The following FBXL17 variants were observed in gnomAD, a reference collection of about 807,000 sequenced individuals.
FBXL17 encodes the protein F-box/LRR-repeat protein 17.
In FBXL17, 22 loss-of-function variants were observed where a neutral mutation model predicts 66.2. The ratio of observed to expected loss-of-function variants is 0.33; its 90% CI spans 0.24 to 0.47. The LOEUF (loss-of-function observed/expected upper bound fraction) is 0.47, where lower values mean the gene tolerates loss of function less well. FBXL17 is among the 20% of genes least tolerant of loss of function. FBXL17 has a pLI of 1.00. For missense variants in FBXL17, 878 were observed against 948.2 expected (o/e 0.93, Z 0.97); for synonymous variants, 474 against 400.5 (o/e 1.18, Z -2.19).
intron 5 of FBXL17, among the ~76,000 whole-genome samples, chr5:108,209,660 C>T (rs989999835): frequency 5.3e-5 from 8 of 152,052 alleles, no homozygotes; most frequent in African/African-American, 9.7e-5. Flanking sequence ...GGAGTGAAGC[C>T]GACTTGATCA....
chr5:108,353,618 T>C (rs930062753), intron 3 of FBXL17, among the ~76,000 whole-genome samples: 3 of 152,186 alleles, frequency 2.0e-5, no homozygotes, highest in African/African-American at 7.2e-5. Context: ...TACCAGAGCC[T>C]AACCTGTGGG....
intron 1 of FBXL17, among the ~76,000 whole-genome samples, chr5:108,373,704 C>T (rs550002339): frequency 6.6e-6 from 1 of 152,102 alleles, no homozygotes; most frequent in East Asian, 1.9e-4. Flanking sequence ...TCACTTGAGC[C>T]CAGGAGTTCA....
At chr5:108,029,765 T>C (rs1413660326) in intron 6 of FBXL17, among the ~76,000 whole-genome samples, 1 of 152,100 alleles carries the variant, frequency 6.6e-6, no homozygotes, top group Non-Finnish European at 1.5e-5. Flanking sequence ...GGAAGATAGC[T>C]GATTTTGGTT....
rs187805788 is a variant in FBXL17 at position 108,370,706 on chromosome 5, G to A, written c.994-2753C>T. ...TGCAGTAAGCCAAGATTGCACCACT[G>A]CACTCCAGCCCGTGCAACAGAGCAA... On this transcript the variant is annotated intron_variant, in intron 1 of 8. Transcript: ENST00000542267. Among the ~76,000 whole-genome samples, 125 of 150,188 alleles carry A rather than the reference G, an allele frequency of 8.3e-4. 1 individual carries two copies. The East Asian group carries it at 0.023, about 27-fold the overall frequency.
chr5:107,885,609 G>C (rs1292927236), intron 7 of FBXL17, among the ~76,000 whole-genome samples: 1 of 152,066 alleles, frequency 6.6e-6, no homozygotes, highest in Non-Finnish European at 1.5e-5. Context: ...AAATCCCTAG[G>C]AATTAATTTG....
chr5:107,867,464 G>A (rs1238711816), intron 8 of FBXL17, among the ~76,000 whole-genome samples: 2 of 152,212 alleles, frequency 1.3e-5, no homozygotes, highest in Non-Finnish European at 1.5e-5. Context: ...GATCCTGGAC[G>A]TGAGTCGGTT....
At chr5:108,256,468 C>T (rs1324015403) in intron 4 of FBXL17, among the ~76,000 whole-genome samples, 1 of 152,158 alleles carries the variant, frequency 6.6e-6, no homozygotes, top group African/African-American at 2.4e-5. Flanking sequence ...CACACCACCT[C>T]TACCCTATTT....
chr5:108,006,667 T>C (rs141774928), intron 7 of FBXL17, among the ~76,000 whole-genome samples: 73 of 152,340 alleles, frequency 4.8e-4, no homozygotes, highest in African/African-American at 1.7e-3. Flanking sequence ...ATTACATACT[T>C]AGCTCTTTTT....
chr5:107,986,108 A>C (rs1204685116), intron 7 of FBXL17, among the ~76,000 whole-genome samples: 1 of 152,100 alleles, frequency 6.6e-6, no homozygotes, highest in African/African-American at 2.4e-5. Flanking sequence ...ATTATCAGTA[A>C]TTGAATCTAC....
intron 7 of FBXL17, among the ~76,000 whole-genome samples, chr5:108,002,245 A>C (rs1753760944): frequency 7.1e-6 from 1 of 141,814 alleles, no homozygotes; most frequent in Non-Finnish European, 1.5e-5. Context: ...GCTGGTCTTG[A>C]ACTCCTGACC....
intron 7 of FBXL17, among the ~76,000 whole-genome samples, chr5:108,010,604 C>A (rs1026110937): frequency 6.6e-6 from 1 of 152,108 alleles, no homozygotes; most frequent in Non-Finnish European, 1.5e-5. Flanking sequence ...AAAATTCAAT[C>A]AAAGGAAGCA....
At chr5:107,870,992 C>T (rs893937298) in intron 8 of FBXL17, among the ~76,000 whole-genome samples, 3 of 142,146 alleles carry the variant, frequency 2.1e-5, no homozygotes, top group Admixed American at 7.6e-5. Context: ...AACCTCATAC[C>T]GGTAGCCTGG....
intron 6 of FBXL17, among the ~76,000 whole-genome samples, chr5:108,149,225 T>A (rs1751675110): frequency 6.6e-6 from 1 of 152,238 alleles, no homozygotes; most frequent in South Asian, 2.1e-4. Context: ...ATCAGATTTA[T>A]CTTTCTTGTA....
At chr5:108,262,492 G>A (rs1227179338) in intron 4 of FBXL17, among the ~76,000 whole-genome samples, 1 of 152,088 alleles carries the variant, frequency 6.6e-6, no homozygotes, top group Non-Finnish European at 1.5e-5. Flanking sequence ...AATTTGGAAG[G>A]TACTCAAAGC....
chr5:108,036,416 C>T (rs1005631307), intron 6 of FBXL17, among the ~76,000 whole-genome samples: 9 of 152,290 alleles, frequency 5.9e-5, no homozygotes, highest in African/African-American at 1.4e-4. Flanking sequence ...CAGATGTGCA[C>T]TCTCCAGTCC....
In FBXL17 at chr5:107,959,679, G is replaced by T. The variant is rs191268923; in HGVS notation, c.1822+61246C>A. On this transcript the variant is annotated intron_variant, in intron 7 of 8. Coordinates refer to ENST00000542267, the MANE Select transcript of FBXL17 (RefSeq NM_001163315.3). ...TGTCATAATGGTTCTTATAATATGG[G>T]GACTAAGTGTGACATTTGTTACTAA... 1.5e-3 allele frequency among the ~76,000 whole-genome samples: 223 copies of T among 152,128 alleles called. 1 individual carries two copies. The highest frequency in any genetic ancestry group is 4.8e-3 in the African/African-American group (201 of 41,508).
chr5:108,271,978 T>C (rs770248323), intron 4 of FBXL17, among the ~76,000 whole-genome samples: 8 of 152,228 alleles, frequency 5.3e-5, no homozygotes, highest in Middle Eastern at 3.4e-3. Context: ...AATACACTGG[T>C]ACAATGTGTG....
At chr5:108,301,929 A>G (rs1319151828) in intron 4 of FBXL17, 1 of 536,104 alleles carries the variant, frequency 1.9e-6, no homozygotes, top group Non-Finnish European at 2.4e-6. Context: ...TTAATGGGAG[A>G]TATATGTATT....
intron 4 of FBXL17, among the ~76,000 whole-genome samples, chr5:108,342,691 CT>C (rs1746965715): frequency 6.6e-6 from 1 of 152,172 alleles, no homozygotes; most frequent in African/African-American, 2.4e-5. Context: ...TTGTTAACTT[CT>C]TTATGCCTCA....
Sources: gnomAD v4.1 joint callset for allele counts (sites outside exome capture counted in the v4.1 genomes callset) on GRCh38, gnomAD v4.1.1 for gene constraint, MANE v1.5 for transcripts, NCBI Gene and HGNC (gene_info 2026-07-23, HGNC 2026-07-21) for gene names.